The following TFIP11 variants were observed in gnomAD, a reference collection of about 807,000 sequenced individuals.
The protein encoded by TFIP11 is tuftelin interacting protein 11, also known as tuftelin-interacting protein 11.
A neutral mutation model predicts 96.8 loss-of-function variants in TFIP11; 86 were observed. That is an observed-to-expected ratio of 0.89 (90% CI 0.75 to 1.06). The LOEUF is 1.06. Ranked by LOEUF, TFIP11 falls within the 50% of genes least tolerant of loss-of-function variation. TFIP11 has a pLI of 0.00. For missense variants in TFIP11, 881 were observed against 1,076.7 expected (o/e 0.82, Z 2.54); for synonymous variants, 405 against 395.2 (o/e 1.02, Z -0.29).
intron 3 of TFIP11, 119 bp from the exon 4 acceptor site, chr22:26,510,400 A>C: frequency 1.1e-6 from 1 of 924,562 alleles, no homozygotes; most frequent in Non-Finnish European, 1.7e-6. Context: ...AAAGTCCATT[A>C]AAGTCAGCAT....
Position 26,501,895 on chromosome 22 carries a change from T to C in TFIP11, c.801+5A>G, listed in dbSNP as rs1294566484. ...CCTGTACCAGGTGTCCAAGGGCCCC[T>C]GTACCTTGACTTGAGAAAGTTCCTT... On this transcript the variant is annotated splice_donor_5th_base_variant and intron_variant, in intron 8 of 14. Coordinates refer to ENST00000407690, the MANE Select transcript of TFIP11 (RefSeq NM_012143.4). 5 of 1,609,630 alleles carry C rather than the reference T, an allele frequency of 3.1e-6. No homozygotes were observed. The South Asian group carries it at 3.3e-5, about 11-fold the overall frequency.
At chr22:26,502,085 G>C (rs542694154) in intron 7 of TFIP11, 33 bp from the exon 8 acceptor site, 4 of 1,613,632 alleles carry the variant, frequency 2.5e-6, no homozygotes, top group Non-Finnish European at 3.4e-6. Context: ...GATGCAGCAA[G>C]GAACAACCAC....
intron 5 of TFIP11, 91 bp downstream of exon 5, chr22:26,506,684 C>G (rs1309170913): frequency 6.6e-7 from 1 of 1,519,466 alleles, no homozygotes. Context: ...GAAATTCATT[C>G]CAGATGAGTT....
At chr22:26,494,027 A>G in intron 14 of TFIP11, 112 bp downstream of exon 14, 1 of 1,243,260 alleles carries the variant, frequency 8.0e-7, no homozygotes, top group South Asian at 1.5e-5. Flanking sequence ...CAAAAGTGTG[A>G]CCTAAGGTTT....
intron 12 of TFIP11, among the ~76,000 whole-genome samples, chr22:26,495,713 T>TA (rs1280967681): frequency 2.0e-5 from 3 of 151,256 alleles, no homozygotes; most frequent in Non-Finnish European, 4.4e-5. Flanking sequence ...TGTATATATA[T>TA]TTTTTTTGCT....
Position 26,499,557 on chromosome 22 carries a change from G to A in TFIP11, c.876C>T (p.Pro292=), listed in dbSNP as rs780252582. 14 of 1,614,010 alleles carry A rather than the reference G, an allele frequency of 8.7e-6. No homozygotes were observed. The African/African-American group carries it at 1.2e-4, about 14-fold the overall frequency. The stretch of plus-strand genomic sequence containing the variant: ...GGGACTGTAGCGGCAGCCCATCATC[G>A]GGAACGTTGTGCTTGTGGCTGATCT... The part of the protein sequence containing the change: ...YSQISHKHNV[P]DDGLPLQSQQ... Residue 292 remains proline (P), a synonymous_variant, in exon 9 of 15, where the codon CCC becomes CCT. Transcript: ENST00000407690.
intron 8 of TFIP11, among the ~76,000 whole-genome samples, chr22:26,501,286 T>A (rs992869598): frequency 1.3e-5 from 2 of 152,184 alleles, no homozygotes; most frequent in African/African-American, 4.8e-5. Flanking sequence ...CCCTGGGGAC[T>A]CTCTCCTGCC....
rs746269405 is a variant in TFIP11 at position 26,492,287 on chromosome 22, G to C, written c.2240C>G (p.Ala747Gly). The C allele has an allele frequency of 1.2e-6, 2 of 1,614,074 alleles. No homozygotes were observed. The highest frequency in any genetic ancestry group is 2.7e-5 in the African/African-American group (2 of 74,918). Residue 747 changes from alanine to glycine, a missense_variant, in exon 15 of 15, where the codon GCC becomes GGC. Ala to Gly is a moderately conservative substitution (Grantham distance 60). Coordinates refer to ENST00000407690, the MANE Select transcript of TFIP11 (RefSeq NM_012143.4). Reference protein sequence around the residue: ...TERRKDFQYEAMQERREAENM... With the variant: ...TERRKDFQYEGMQERREAENM... ...CTCAGCCTCCCGCCTCTCCTGCATG[G>C]CCTCGTACTGGAAGTCCTTCCTCCG... is the stretch of plus-strand genomic sequence containing the variant.
chr22:26,506,433 T>C lies in TFIP11; in HGVS notation c.390A>G (p.Lys130=). The change falls in exon 6 of 15, where the codon AAA becomes AAG. Residue 130 remains lysine, a synonymous_variant. Transcript: ENST00000407690. ...KTGGNFKPSQ[K]GFAGGTKSFM... is the part of the protein sequence containing the mutation. ...AAGATTTGGTTCCTCCTGCAAAACC[T>C]TTCTGGCTGGGCTTAAAATTGCCAC... is the stretch of plus-strand genomic sequence containing the variant. 12 of 1,609,892 alleles carry C rather than the reference T, an allele frequency of 7.5e-6. No homozygotes were observed. The highest frequency in any genetic ancestry group is 1.0e-5 in the Non-Finnish European group (12 of 1,178,960).
intron 13 of TFIP11, chr22:26,494,579 G>C: frequency 1.4e-6 from 1 of 733,962 alleles, no homozygotes; most frequent in Non-Finnish European, 2.2e-6. Flanking sequence ...TTGCTGAGAG[G>C]AGCTGAGATA....
chr22:26,492,514 G>A lies in TFIP11; in HGVS notation c.2159-146C>T, dbSNP rs371243047. ...CTGCCTCAAAGATACAACTTTGGAG[G>A]AAGTTTAGACGACTGGCCAGTATCA... On this transcript the variant is annotated intron_variant, in intron 14 of 14. Coordinates refer to ENST00000407690, the MANE Select transcript of TFIP11 (RefSeq NM_012143.4). 1.6e-5 allele frequency: 11 copies of A among 699,640 alleles called. No individual in the cohort carries two copies. In the African/African-American group the frequency reaches 2.0e-4, roughly 13 times the overall value. The allele number at this position is 699,640 out of a possible 1,614,324, so 43.3% of individuals were successfully genotyped here.
chr22:26,495,626 GTGTATATACA>G (rs749909287), intron 12 of TFIP11, among the ~76,000 whole-genome samples: 11 of 28,328 alleles, frequency 3.9e-4, no homozygotes, highest in South Asian at 2.2e-3. Context: ...ATACATATAT[GTGTATATACA>G]TGTGTATATA....
chr22:26,495,780 T>C (rs1318894620), intron 12 of TFIP11, among the ~76,000 whole-genome samples: 1 of 151,912 alleles, frequency 6.6e-6, no homozygotes, highest in Non-Finnish European at 1.5e-5. Context: ...ATTTTAGAAC[T>C]CCAATGGCTG....
Position 26,502,039 on chromosome 22 carries a change from T to A in TFIP11, c.662A>T (p.Glu221Val). 2.5e-6 allele frequency: 4 copies of A among 1,613,998 alleles called. No individual in the cohort carries two copies. Among genetic ancestry groups the A allele is most frequent in the Non-Finnish European group, 3.4e-6 (4 of 1,180,020 alleles). ...TGGGTCTTTCCTCCACTGGCTCAGC[T>A]CCTTCTGAAACTCCTGAACCAGAAG... is the stretch of plus-strand genomic sequence containing the variant. ...EEEAEEEFQK[E>V]LSQWRKDPSG... The change falls in exon 8 of 15, where the codon GAG becomes GTG. Residue 221 changes from glutamate to valine, a missense_variant. By Grantham distance (121) the Glu-to-Val change is moderately radical. Coordinates refer to ENST00000407690, the MANE Select transcript of TFIP11 (RefSeq NM_012143.4).
chr22:26,500,778 G>A (rs1003798588), intron 8 of TFIP11, among the ~76,000 whole-genome samples: 1 of 151,840 alleles, frequency 6.6e-6, no homozygotes, highest in Non-Finnish European at 1.5e-5. Context: ...CCCCACTAAA[G>A]GCTTTCTTTG....
At chr22:26,496,918 G>C in intron 10 of TFIP11, 29 bp from the exon 11 acceptor site, 1 of 1,611,358 alleles carries the variant, frequency 6.2e-7, no homozygotes, top group African/African-American at 1.3e-5. Context: ...GGACAGGCTG[G>C]TTAATTACAC....
rs529301973 is a variant in TFIP11, at chr22:26,491,917, G to C, written c.*96C>G. ...TGATGTGGAGTAGCTCCTGAGTAAA[G>C]AAGTTACCCTTTTGAAGGTGATCTA... On this transcript the variant is annotated 3_prime_UTR_variant, in exon 15 of 15. Coordinates refer to ENST00000407690, the MANE Select transcript of TFIP11 (RefSeq NM_012143.4). 4.7e-6 allele frequency: 6 copies of C among 1,267,394 alleles called. No individual in the cohort carries two copies. Among genetic ancestry groups the C allele is most frequent in the Non-Finnish European group, 6.5e-6 (6 of 916,554 alleles). 78.5% of individuals were successfully genotyped at this position (1,267,394 alleles called of 1,614,324 possible). A position where few individuals can be genotyped will look rare whatever the true frequency, so the allele number is the denominator to read the frequency against.
At chr22:26,509,426 T>C (rs1923792418) in intron 4 of TFIP11, among the ~76,000 whole-genome samples, 1 of 152,258 alleles carries the variant, frequency 6.6e-6, no homozygotes, top group Admixed American at 6.5e-5. Context: ...CCTCATGTCC[T>C]GCATCACAGT....
intron 13 of TFIP11, chr22:26,494,534 C>T (rs890170063): frequency 5.7e-6 from 4 of 700,416 alleles, no homozygotes; most frequent in African/African-American, 3.6e-5. Context: ...TCCATGTCTA[C>T]ACAACAGGGA....
Sources: gnomAD v4.1 joint callset for allele counts (sites outside exome capture counted in the v4.1 genomes callset) on GRCh38, gnomAD v4.1.1 for gene constraint, MANE v1.5 for transcripts, NCBI Gene and HGNC (gene_info 2026-07-23, HGNC 2026-07-21) for gene names.